Variants in CCDC102B observed in about 807,000 individuals in gnomAD.
CCDC102B encodes coiled-coil domain containing 102B.
A neutral mutation model predicts 57.4 loss-of-function variants in CCDC102B; 75 were observed. The ratio of observed to expected loss-of-function variants is 1.31; its 90% CI spans 1.08 to 1.58. The LOEUF (loss-of-function observed/expected upper bound fraction) is 1.58. Ranked by LOEUF, CCDC102B falls within the 40% of genes most tolerant of loss-of-function variation. The pLI is 0.00. For synonymous variants in CCDC102B, 206 were observed against 201.9 expected (o/e 1.02, Z -0.17); for missense variants, 636 against 582.6 (o/e 1.09, Z -0.94).
intron 6 of CCDC102B, among the ~76,000 whole-genome samples, chr18:68,952,090 T>C (rs2049714549): frequency 6.6e-6 from 1 of 152,162 alleles, no homozygotes; most frequent in African/African-American, 2.4e-5. Flanking sequence ...GAATTTTAAG[T>C]GAATAAATGC....
intron 6 of CCDC102B, among the ~76,000 whole-genome samples, chr18:68,972,964 T>G (rs1382317014): frequency 6.6e-6 from 1 of 152,162 alleles, no homozygotes. Flanking sequence ...AATTTAATCA[T>G]GGGATGCTTT....
chr18:68,919,763 G>T (rs1315261143), intron 6 of CCDC102B, among the ~76,000 whole-genome samples: 1 of 152,098 alleles, frequency 6.6e-6, no homozygotes, highest in East Asian at 1.9e-4. Context: ...ACTAAAGGTG[G>T]TATTGAGATA....
chr18:68,966,924 C>T (rs2050179888), intron 6 of CCDC102B, among the ~76,000 whole-genome samples: 1 of 152,092 alleles, frequency 6.6e-6, no homozygotes, highest in Non-Finnish European at 1.5e-5. Flanking sequence ...GCTTTGGTTC[C>T]CTTTGGACTG....
rs114522351 is a variant in CCDC102B, at chr18:68,954,941, G to C, written c.1264-55993G>C. ...TGACACGAAGTCTACATAATATGCT[G>C]TCTTACAACAATGACACTACAGCCA... On this transcript the variant is annotated intron_variant, in intron 6 of 7. Transcript: ENST00000360242. Among the ~76,000 whole-genome samples, 1,372 of 152,222 alleles carry C rather than the reference G, an allele frequency of 9.0e-3. 17 individuals carry two copies. The highest frequency in any genetic ancestry group is 0.031 in the African/African-American group (1,288 of 41,518).
At chr18:68,763,459 A>C (rs2034320004) in intron 2 of CCDC102B, among the ~76,000 whole-genome samples, 1 of 152,156 alleles carries the variant, frequency 6.6e-6, no homozygotes, top group Non-Finnish European at 1.5e-5. Context: ...TATTGGCAGA[A>C]AGAGTCTTTG....
At chr18:68,772,628 C>T (rs528452209) in intron 2 of CCDC102B, among the ~76,000 whole-genome samples, 1 of 151,984 alleles carries the variant, frequency 6.6e-6, no homozygotes, top group East Asian at 1.9e-4. Context: ...TTTTGTTATT[C>T]CTTGATAGAT....
In CCDC102B at chr18:68,887,372, A is replaced by G. The variant is rs2039927833; in HGVS notation, c.1054-9847A>G. On this transcript the variant is annotated intron_variant, in intron 5 of 7. Transcript: ENST00000360242. ...TGATTTTGAACTCTGGTCATAAATA[A>G]TTATTGGAAACTAAATTTCAAACAA... Among the ~76,000 whole-genome samples, 3 of 152,186 alleles carry G rather than the reference A, an allele frequency of 2.0e-5. No individual in the cohort carries two copies. In the South Asian group the frequency reaches 6.2e-4, roughly 32 times the overall value.
intron 6 of CCDC102B, among the ~76,000 whole-genome samples, chr18:69,006,264 C>T (rs78451033): frequency 0.014 from 2,119 of 152,084 alleles, 44 homozygotes; most frequent in East Asian, 0.082. Flanking sequence ...GTGTATGATC[C>T]TATATACCTT....
chr18:68,779,019 G>T (rs1043396397), intron 2 of CCDC102B, among the ~76,000 whole-genome samples: 8 of 151,946 alleles, frequency 5.3e-5, no homozygotes, highest in Admixed American at 3.3e-4. Flanking sequence ...ATAATAATAA[G>T]AAGGTTCGTT....
At chr18:68,753,095 G>C (rs1034175588) in intron 2 of CCDC102B, 1 of 151,768 alleles carries the variant, frequency 6.6e-6, no homozygotes, top group African/African-American at 2.4e-5. Context: ...ATATTGTCTA[G>C]TATGTTTATC....
chr18:68,896,095 C>G (rs990607229), intron 5 of CCDC102B, among the ~76,000 whole-genome samples: 1 of 151,766 alleles, frequency 6.6e-6, no homozygotes, highest in Non-Finnish European at 1.5e-5. Context: ...CTAAGCTTAT[C>G]CAGAGAATAA....
intron 7 of CCDC102B, among the ~76,000 whole-genome samples, chr18:69,040,562 C>G (rs917053927): frequency 6.6e-6 from 1 of 151,788 alleles, no homozygotes; most frequent in Non-Finnish European, 1.5e-5. Flanking sequence ...CATTAACTAT[C>G]CTCTAGAGAT....
chr18:68,785,262 A>G (rs1040006300), intron 2 of CCDC102B, among the ~76,000 whole-genome samples: 8 of 152,024 alleles, frequency 5.3e-5, no homozygotes, highest in African/African-American at 1.9e-4. Flanking sequence ...AGTCTTTGCT[A>G]TTGTGAATAA....
chr18:68,897,724 C>T (rs1043989324), intron 6 of CCDC102B: 3 of 979,628 alleles, frequency 3.1e-6, no homozygotes, highest in Non-Finnish European at 4.2e-6. Context: ...CTTATTAAAG[C>T]TTTGTCTCAG....
At chr18:68,992,898 A>T in intron 6 of CCDC102B, 1 of 170,578 alleles carries the variant, frequency 5.9e-6, no homozygotes, top group Non-Finnish European at 1.3e-5. Flanking sequence ...TGGCAGCCAG[A>T]GTGTGAGGTT....
At chr18:68,820,433 C>A (rs2036648097) in intron 1 of CCDC102B, among the ~76,000 whole-genome samples, 1 of 152,074 alleles carries the variant, frequency 6.6e-6, no homozygotes, top group Admixed American at 6.6e-5. Context: ...TTGTTTTAAA[C>A]ACCAAATTTC....
chr18:68,900,904 G>A (rs2040427836), intron 6 of CCDC102B, among the ~76,000 whole-genome samples: 1 of 152,168 alleles, frequency 6.6e-6, no homozygotes, highest in African/African-American at 2.4e-5. Flanking sequence ...CTTAATGGAT[G>A]CAAGACCGGC....
intron 6 of CCDC102B, among the ~76,000 whole-genome samples, chr18:68,940,630 A>G (rs1372534802): frequency 1.3e-5 from 2 of 151,910 alleles, no homozygotes; most frequent in Non-Finnish European, 2.9e-5. Context: ...CTTTGTTTAT[A>G]AAAAAGCTTA....
chr18:69,006,377 AG>A (rs1399722253), intron 6 of CCDC102B, among the ~76,000 whole-genome samples: 1 of 151,470 alleles, frequency 6.6e-6, no homozygotes, highest in African/African-American at 2.4e-5. Flanking sequence ...ATGGTAGCAA[AG>A]GCCATAGCTT....
Sources: allele counts gnomAD v4.1 joint callset (sites outside exome capture counted in the v4.1 genomes callset), GRCh38; gene constraint gnomAD v4.1.1; transcripts MANE v1.5; gene names NCBI Gene and HGNC (gene_info 2026-07-23, HGNC 2026-07-21).